Variants in ZKSCAN5 observed in about 807,000 individuals in gnomAD.
ZKSCAN5 encodes zinc finger protein with KRAB and SCAN domains 5.
A neutral mutation model predicts 60.0 loss-of-function variants in ZKSCAN5; 28 were observed. The ratio of observed to expected loss-of-function variants is 0.47; its 90% confidence interval spans 0.35 to 0.64. The LOEUF is 0.64. Ranked by LOEUF, ZKSCAN5 falls within the 30% of genes least tolerant of loss-of-function variation. The pLI, the probability that ZKSCAN5 is intolerant of heterozygous loss-of-function variation, is 0.01. For missense variants in ZKSCAN5, 881 were observed against 1,034.6 expected (o/e 0.85, Z 2.04); for synonymous variants, 361 against 371.2 (o/e 0.97, Z 0.31).
At chr7:99,521,114 A>C (rs1324552743) in intron 5 of ZKSCAN5, among the ~76,000 whole-genome samples, 2 of 152,128 alleles carry the variant, frequency 1.3e-5, no homozygotes, top group African/African-American at 2.4e-5. Context: ...GCCTTTTTTT[A>C]GTAAATTCTT....
chr7:99,510,508 G>A (rs1268328497), intron 2 of ZKSCAN5, among the ~76,000 whole-genome samples: 3 of 151,724 alleles, frequency 2.0e-5, no homozygotes, highest in African/African-American at 4.8e-5. Flanking sequence ...GCAATGGCAC[G>A]ATCTCGGCTC....
At chr7:99,529,104 GT>G (rs1057282356) in intron 6 of ZKSCAN5, among the ~76,000 whole-genome samples, 23 of 152,132 alleles carry the variant, frequency 1.5e-4, no homozygotes, top group Middle Eastern at 3.4e-3. Flanking sequence ...CATTCTTCCA[GT>G]TTTTGTCAGT....
At position 99,534,210 on chromosome 7, in the gene ZKSCAN5, C is replaced by T. The variant is rs1260824474; in HGVS notation, c.*1961C>T. ...GTGTGTCAGAGGACCTTCTTGGTAG[C>T]TTTTTAATTTTTTTATAGACAGGGT... On this transcript the variant is annotated 3_prime_UTR_variant, in exon 7 of 7. Coordinates refer to ENST00000326775, the MANE Select transcript of ZKSCAN5 (RefSeq NM_145102.4). 6.6e-6 allele frequency: 1 copy of T among 152,120 alleles called. No homozygotes were observed. Among genetic ancestry groups the T allele is most frequent in the Non-Finnish European group, 1.5e-5 (1 of 68,042 alleles). The allele number at this position is 152,120 out of a possible 1,614,324, so 9.4% of individuals were successfully genotyped here.
intron 3 of ZKSCAN5, among the ~76,000 whole-genome samples, chr7:99,515,435 A>G (rs1801221667): frequency 6.6e-6 from 1 of 151,958 alleles, no homozygotes; most frequent in African/African-American, 2.4e-5. Context: ...TGCTCAGAAA[A>G]GAAATGGAAA....
At chr7:99,506,828 G>A (rs1206007895) in intron 2 of ZKSCAN5, among the ~76,000 whole-genome samples, 1 of 151,200 alleles carries the variant, frequency 6.6e-6, no homozygotes. Context: ...GACTGCAGGC[G>A]TCCGCCACCA....
At position 99,533,125 on chromosome 7, in the gene ZKSCAN5, C is replaced by G; in HGVS notation, c.*876C>G. ...GAAGGAGTTGGACCAAGGCGAATTACGAGTCCTGGTCCCAGCAGTATGTGT... is the reference window on the plus strand; with the variant it reads ...GAAGGAGTTGGACCAAGGCGAATTAGGAGTCCTGGTCCCAGCAGTATGTGT... On this transcript the variant is annotated 3_prime_UTR_variant, in exon 7 of 7. Transcript: ENST00000326775. 2.3e-6 allele frequency: 1 copy of G among 426,618 alleles called. No homozygotes were observed. The highest frequency in any genetic ancestry group is 1.8e-5 in the South Asian group (1 of 54,828). 26.4% of individuals were successfully genotyped at this position (426,618 alleles called of 1,614,324 possible). A position where few individuals can be genotyped will look rare whatever the true frequency, so the allele number is the denominator to read the frequency against.
chr7:99,518,979 C>CTT (rs1233450704), intron 3 of ZKSCAN5, among the ~76,000 whole-genome samples: 2 of 81,032 alleles, frequency 2.5e-5, no homozygotes. Flanking sequence ...TGGCCCCCAC[C>CTT]TTTTTTTTTT....
At position 99,510,955 on chromosome 7, in the gene ZKSCAN5, G is replaced by C. The variant is rs144669470; in HGVS notation, c.415-1498G>C. 1.7e-3 allele frequency among the ~76,000 whole-genome samples: 257 copies of C among 152,174 alleles called. 1 individual carries two copies. The highest frequency in any genetic ancestry group is 5.9e-3 in the African/African-American group (244 of 41,520). ...GGTGTGGTCTCGCCATGTTGCCCAA[G>C]CTGGTCTCCAACTCCTGAGCTCAAG... On this transcript the variant is annotated intron_variant, in intron 2 of 6. Coordinates refer to ENST00000326775, the MANE Select transcript of ZKSCAN5 (RefSeq NM_145102.4).
At chr7:99,531,048 C>A in intron 6 of ZKSCAN5, 60 bp from the exon 7 acceptor site, 1 of 1,442,628 alleles carries the variant, frequency 6.9e-7, no homozygotes, top group South Asian at 1.4e-5. Flanking sequence ...CAGAGCAAGA[C>A]CCCATCTCAA....
chr7:99,511,582 A>G (rs144314798), intron 2 of ZKSCAN5, among the ~76,000 whole-genome samples: 1 of 152,054 alleles, frequency 6.6e-6, no homozygotes, highest in East Asian at 1.9e-4. Context: ...AGCTGGGACC[A>G]CAGGGACATG....
chr7:99,532,479 T>C lies in ZKSCAN5; in HGVS notation c.*230T>C. The C allele has an allele frequency of 2.5e-6, 1 of 402,438 alleles. No homozygotes were observed. The highest frequency in any genetic ancestry group is 4.4e-6 in the Non-Finnish European group (1 of 229,412). The allele number at this position is 402,438 out of a possible 1,614,324, so 24.9% of individuals were successfully genotyped here. A position where few individuals can be genotyped will look rare whatever the true frequency, so the allele number is the denominator to read the frequency against. On this transcript the variant is annotated 3_prime_UTR_variant, in exon 7 of 7. Transcript: ENST00000326775. The stretch of plus-strand genomic sequence containing the variant: ...GTTAGCATCTTCATGCTTGGAAATC[T>C]AGACAAGAAGAGAATCCATGGATGG...
In ZKSCAN5 at chr7:99,506,103, A is replaced by C; in HGVS notation, c.59A>C (p.Gln20Pro). 6.2e-7 allele frequency: 1 copy of C among 1,614,146 alleles called. No individual in the cohort carries two copies. Among genetic ancestry groups the C allele is most frequent in the Non-Finnish European group, 8.5e-7 (1 of 1,180,016 alleles). The change falls in exon 2 of 7, where the codon CAG becomes CCG. Residue 20 changes from glutamine (Q) to proline (P), a missense_variant. Transcript: ENST00000326775. Reference protein sequence around the residue: ...IDLDPPAETSQEQEDLFIVKV... With the variant: ...IDLDPPAETSPEQEDLFIVKV... ...TTAGACCCCCCAGCTGAGACTTCCC[A>C]GGAGCAGGAAGACCTTTTCATAGTG...
In ZKSCAN5 at chr7:99,534,330, C is replaced by T. The variant is rs1453730017; in HGVS notation, c.*2081C>T. The T allele has an allele frequency of 6.6e-6, 1 of 152,248 alleles. No homozygotes were observed. Among genetic ancestry groups the T allele is most frequent in the Non-Finnish European group, 1.5e-5 (1 of 68,154 alleles). The allele number at this position is 152,248 out of a possible 1,614,324, so 9.4% of individuals were successfully genotyped here. On this transcript the variant is annotated 3_prime_UTR_variant, in exon 7 of 7. Coordinates refer to ENST00000326775, the MANE Select transcript of ZKSCAN5 (RefSeq NM_145102.4). Reference sequence around the variant, plus strand: ...TCAAGTGGTCTAGCCACCTCAGCCTCCTGAATAGCTGGGACTACAGGCACA... The same window carrying T: ...TCAAGTGGTCTAGCCACCTCAGCCTTCTGAATAGCTGGGACTACAGGCACA...
At chr7:99,507,439 T>G (rs76900865) in intron 2 of ZKSCAN5, among the ~76,000 whole-genome samples, 2,616 of 151,028 alleles carry the variant, frequency 0.017, 75 homozygotes, top group African/African-American at 0.06. Flanking sequence ...ATGTATGTGT[T>G]TGCGTATATA....
chr7:99,531,425 C>T lies in ZKSCAN5; in HGVS notation c.1696C>T (p.Gln566Ter), dbSNP rs1457090325. 1.2e-6 allele frequency: 2 copies of T among 1,614,194 alleles called. No individual in the cohort carries two copies. The highest frequency in any genetic ancestry group is 2.2e-5 in the East Asian group (1 of 44,888). Residue 566 changes from glutamine to a stop codon, truncating the protein, a stop_gained, in exon 7 of 7, where the codon CAA becomes TAA. Transcript: ENST00000326775. LOFTEE classifies it high-confidence loss of function. Reference protein sequence around the residue: ...KSFIQSAHLIQHQRIHTGEKP... With the variant: ...KSFIQSAHLI ...CTTCATTCAGAGTGCACATCTTATT[C>T]AACATCAAAGAATACACACTGGGGA...
chr7:99,532,928 G>A lies in ZKSCAN5; in HGVS notation c.*679G>A, dbSNP rs1802115981. 1.2e-5 allele frequency: 2 copies of A among 167,312 alleles called. 1 individual carries two copies. The highest frequency in any genetic ancestry group is 3.4e-4 in the South Asian group (2 of 5,900). 10.4% of individuals were successfully genotyped at this position (167,312 alleles called of 1,614,324 possible). ...TTTTGGTTTGATTCTACTGATGTCA[G>A]GGTTTAGCCGGTAGAAGGAGTAGTT... On this transcript the variant is annotated 3_prime_UTR_variant, in exon 7 of 7. Transcript: ENST00000326775.
At chr7:99,515,797 G>T (rs1257399393) in intron 3 of ZKSCAN5, among the ~76,000 whole-genome samples, 2 of 147,370 alleles carry the variant, frequency 1.4e-5, no homozygotes, top group African/African-American at 5.0e-5. Flanking sequence ...TCGTACCACT[G>T]CACTCCAGCC....
intron 6 of ZKSCAN5, among the ~76,000 whole-genome samples, chr7:99,528,666 A>T (rs1397588967): frequency 6.6e-6 from 1 of 152,100 alleles, no homozygotes; most frequent in African/African-American, 2.4e-5. Context: ...GGCTTAAGCG[A>T]TCCTCCAGCC....
chr7:99,533,270 G>A lies in ZKSCAN5; in HGVS notation c.*1021G>A. The A allele has an allele frequency of 2.9e-6, 2 of 689,034 alleles. No homozygotes were observed. The highest frequency in any genetic ancestry group is 5.3e-6 in the Non-Finnish European group (2 of 376,746). 42.7% of individuals were successfully genotyped at this position (689,034 alleles called of 1,614,324 possible). On this transcript the variant is annotated 3_prime_UTR_variant, in exon 7 of 7. Coordinates refer to ENST00000326775, the MANE Select transcript of ZKSCAN5 (RefSeq NM_145102.4). ...ATCAGTCGTGAGCAGGCAGGCAGGA[G>A]GTCCTGTTAGCCCTGCCTTCCAGGA...
Sources: gnomAD v4.1 joint callset for allele counts (sites outside exome capture counted in the v4.1 genomes callset) on GRCh38, gnomAD v4.1.1 for gene constraint, MANE v1.5 for transcripts, NCBI Gene and HGNC (gene_info 2026-07-23, HGNC 2026-07-21) for gene names.